Variants in SPEF2 observed in about 807,000 individuals in gnomAD.
The protein encoded by SPEF2 is sperm flagella and cilia-associated protein 2.
Under a neutral mutation model 224.6 loss-of-function variants are expected in SPEF2, and 187 were observed. That is an observed-to-expected ratio of 0.83 (90% CI 0.74 to 0.94). The LOEUF is 0.94. Ranked by LOEUF, SPEF2 falls within the 40% of genes least tolerant of loss-of-function variation. SPEF2 has a pLI of 0.00. For missense variants in SPEF2, 2,170 were observed against 2,135.6 expected (o/e 1.02, Z -0.32); for synonymous variants, 715 against 707.3 (o/e 1.01, Z -0.17).
chr5:35,807,528 G>A, intron 36 of SPEF2: 1 of 1,060,934 alleles, frequency 9.4e-7, no homozygotes, highest in Non-Finnish European at 1.4e-6. Flanking sequence ...AATGACCCTA[G>A]CCTGTGATTG....
At chr5:35,652,929 T>C (rs1337100678) in intron 6 of SPEF2, among the ~76,000 whole-genome samples, 1 of 152,148 alleles carries the variant, frequency 6.6e-6, no homozygotes, top group Non-Finnish European at 1.5e-5. Flanking sequence ...AAACCAAATA[T>C]ATTAATTACT....
At chr5:35,812,958 C>T (rs1288906538) in intron 36 of SPEF2, among the ~76,000 whole-genome samples, 1 of 152,172 alleles carries the variant, frequency 6.6e-6, no homozygotes, top group African/African-American at 2.4e-5. Context: ...CAGTGTCAAA[C>T]ATTTTCTGGC....
At chr5:35,710,243 T>C in intron 19 of SPEF2, 1 of 984,816 alleles carries the variant, frequency 1.0e-6, no homozygotes, top group Non-Finnish European at 1.2e-6. Context: ...AAAATGGAAA[T>C]ATTTAAAATG....
At chr5:35,761,190 G>C (rs1199826271) in intron 25 of SPEF2, among the ~76,000 whole-genome samples, 5 of 152,122 alleles carry the variant, frequency 3.3e-5, no homozygotes, top group Non-Finnish European at 7.4e-5. Context: ...TTTGAAGTAA[G>C]ACAGATCTGG....
intron 6 of SPEF2, among the ~76,000 whole-genome samples, chr5:35,649,827 A>C (rs919461789): frequency 6.6e-6 from 1 of 152,240 alleles, no homozygotes; most frequent in Non-Finnish European, 1.5e-5. Flanking sequence ...CAGCAGTAAG[A>C]AGTTGAGTGA....
intron 30 of SPEF2, among the ~76,000 whole-genome samples, chr5:35,787,501 G>A (rs901771379): frequency 1.3e-5 from 2 of 152,102 alleles, no homozygotes; most frequent in African/African-American, 2.4e-5. Context: ...CATACAAGAC[G>A]CGTGTAAGAG....
chr5:35,773,604 A>G (rs1014410080), intron 27 of SPEF2, among the ~76,000 whole-genome samples: 2 of 152,124 alleles, frequency 1.3e-5, no homozygotes, highest in Non-Finnish European at 2.9e-5. Flanking sequence ...GGATTTCACT[A>G]TGTTTGGAAA....
intron 1 of SPEF2, among the ~76,000 whole-genome samples, chr5:35,626,053 C>G (rs1580009355): frequency 6.6e-6 from 1 of 152,242 alleles, no homozygotes; most frequent in Middle Eastern, 3.4e-3. Flanking sequence ...AAATCAGTGC[C>G]TAGGTTATGA....
chr5:35,696,958 G>A (rs1755426580), intron 14 of SPEF2, among the ~76,000 whole-genome samples: 1 of 152,162 alleles, frequency 6.6e-6, no homozygotes, highest in African/African-American at 2.4e-5. Flanking sequence ...GGGCCAGAGA[G>A]TATTTAGTAA....
chr5:35,745,084 A>T (rs759614883), intron 23 of SPEF2, among the ~76,000 whole-genome samples: 3 of 152,170 alleles, frequency 2.0e-5, no homozygotes, highest in African/African-American at 4.8e-5. Context: ...CTAACAGAAG[A>T]AGTTTCTAAC....
At chr5:35,809,499 A>G (rs1758407963) in intron 36 of SPEF2, among the ~76,000 whole-genome samples, 1 of 152,062 alleles carries the variant, frequency 6.6e-6, no homozygotes, top group African/African-American at 2.4e-5. Flanking sequence ...GGACGTCTAC[A>G]TGGATTTTGC....
chr5:35,684,913 T>C (rs11749862), intron 10 of SPEF2, among the ~76,000 whole-genome samples: 1 of 152,216 alleles, frequency 6.6e-6, no homozygotes, highest in Non-Finnish European at 1.5e-5. Flanking sequence ...CTACAGCTTC[T>C]GTTTTCTTAT....
chr5:35,717,571 C>T (rs7705633), intron 20 of SPEF2, among the ~76,000 whole-genome samples: 112,671 of 151,964 alleles, frequency 0.74, 42,275 homozygotes, highest in Middle Eastern at 0.83. Context: ...TCACAGACGG[C>T]TTAAAGGGTG....
intron 19 of SPEF2, chr5:35,709,457 A>G (rs771752285): frequency 1.9e-6 from 2 of 1,029,332 alleles, no homozygotes; most frequent in Non-Finnish European, 2.3e-6. Flanking sequence ...TGAACTATAG[A>G]GTTACATTTA....
At chr5:35,771,499 T>C (rs1403600116) in intron 26 of SPEF2, 110 bp from the exon 27 acceptor site, 44 of 1,369,030 alleles carry the variant, frequency 3.2e-5, no homozygotes, top group Non-Finnish European at 4.2e-5. Context: ...GTGGGCACAA[T>C]TGTTTACAGT....
chr5:35,696,747 A>G (rs536492572), intron 14 of SPEF2, among the ~76,000 whole-genome samples: 8 of 152,306 alleles, frequency 5.3e-5, no homozygotes, highest in Non-Finnish European at 1.0e-4. Context: ...AGAAAAGGAA[A>G]CATGGAGTGG....
chr5:35,719,230 A>G (rs946844753), intron 20 of SPEF2, among the ~76,000 whole-genome samples: 2 of 152,206 alleles, frequency 1.3e-5, no homozygotes, highest in Non-Finnish European at 2.9e-5. Flanking sequence ...AGAAGCAAGC[A>G]GGGTTAGTCT....
chr5:35,721,500 T>C (rs1743653655), intron 20 of SPEF2, among the ~76,000 whole-genome samples: 1 of 152,204 alleles, frequency 6.6e-6, no homozygotes, highest in Admixed American at 6.5e-5. Flanking sequence ...GCATGTCAAA[T>C]AGTTCTCAAA....
chr5:35,671,647 T>C (rs1482953602), intron 10 of SPEF2: 1 of 531,660 alleles, frequency 1.9e-6, no homozygotes, highest in African/African-American at 2.1e-5. Context: ...TTGTTGCTCT[T>C]ACAAATCAGG....
Sources: gnomAD v4.1 joint callset for allele counts (sites outside exome capture counted in the v4.1 genomes callset) on GRCh38, gnomAD v4.1.1 for gene constraint, MANE v1.5 for transcripts, NCBI Gene and HGNC (gene_info 2026-07-23, HGNC 2026-07-21) for gene names.